The following FRMD5 variants were observed in gnomAD, a reference collection of about 807,000 sequenced individuals.
The protein encoded by FRMD5 is FERM domain containing 5.
In FRMD5, 20 loss-of-function variants were observed where a neutral mutation model predicts 69.0. The observed-to-expected ratio is 0.29, with a 90% CI of 0.20 to 0.42. FRMD5 has a LOEUF of 0.42. FRMD5 is among the 10% of genes least tolerant of loss of function. The pLI is 1.00. For synonymous variants in FRMD5, 271 were observed against 260.1 expected (o/e 1.04, Z -0.40); for missense variants, 595 against 708.6 (o/e 0.84, Z 1.82).
chr15:44,194,383 C>T (rs2078247675), intron 1 of FRMD5: 1 of 157,370 alleles, frequency 6.4e-6, no homozygotes, highest in Non-Finnish European at 1.4e-5. Context: ...GCCTAAATCT[C>T]TAAAACCCAG....
chr15:43,988,922 T>C, intron 1 of FRMD5: 1 of 532,192 alleles, frequency 1.9e-6, no homozygotes, highest in Non-Finnish European at 3.7e-6. Flanking sequence ...ACCTTCACCA[T>C]TCCAGTTTTT....
In FRMD5 at chr15:43,902,165, G is replaced by C. The variant is rs770244701; in HGVS notation, c.639+10C>G. The C allele has an allele frequency of 3.7e-6, 6 of 1,607,946 alleles. No homozygotes were observed. In the African/African-American group the frequency reaches 8.0e-5, roughly 22 times the overall value. ...GAAAGGTCATGCAGTCTCCAACCAG[G>C]GGGTCTTACCTTACATGGGTGAGGA... On this transcript the variant is annotated intron_variant, in intron 7 of 13. Transcript: ENST00000417257.
At chr15:43,977,859 T>C (rs2090487707) in intron 1 of FRMD5, among the ~76,000 whole-genome samples, 1 of 152,122 alleles carries the variant, frequency 6.6e-6, no homozygotes, top group South Asian at 2.1e-4. Flanking sequence ...AGGGAGTTTA[T>C]CTGGTCAGCA....
intron 1 of FRMD5, among the ~76,000 whole-genome samples, chr15:44,065,760 T>A (rs939611181): frequency 6.6e-6 from 1 of 152,230 alleles, no homozygotes; most frequent in African/African-American, 2.4e-5. Context: ...AAGAAATATT[T>A]TTAACTTTAA....
chr15:43,889,514 G>C (rs775566686), intron 8 of FRMD5, among the ~76,000 whole-genome samples: 1 of 152,320 alleles, frequency 6.6e-6, no homozygotes, highest in South Asian at 2.1e-4. Context: ...CACCAGCCCA[G>C]TGAATGGCTG....
At chr15:43,878,534 A>G (rs755814493) in intron 13 of FRMD5, among the ~76,000 whole-genome samples, 2 of 152,160 alleles carry the variant, frequency 1.3e-5, no homozygotes, top group African/African-American at 2.4e-5. Context: ...TTCCTCCCTG[A>G]TGTCCCCATT....
At chr15:44,114,498 G>C (rs1315338856) in intron 1 of FRMD5, among the ~76,000 whole-genome samples, 4 of 152,162 alleles carry the variant, frequency 2.6e-5, no homozygotes, top group African/African-American at 9.7e-5. Flanking sequence ...TAGAAGGCCA[G>C]CATTTCTTCT....
At chr15:43,886,051 C>G (rs1056605047) in intron 10 of FRMD5, among the ~76,000 whole-genome samples, 2 of 152,160 alleles carry the variant, frequency 1.3e-5, no homozygotes, top group African/African-American at 2.4e-5. Flanking sequence ...AATACATGCT[C>G]GGGTGGATGG....
intron 2 of FRMD5, among the ~76,000 whole-genome samples, chr15:43,923,212 C>G (rs2089527028): frequency 1.3e-5 from 2 of 152,298 alleles, no homozygotes; most frequent in South Asian, 4.1e-4. Flanking sequence ...TATTGAACAC[C>G]AACTACATTG....
chr15:43,962,044 G>T (rs977670478), intron 1 of FRMD5, among the ~76,000 whole-genome samples: 1 of 152,180 alleles, frequency 6.6e-6, no homozygotes, highest in Admixed American at 6.5e-5. Flanking sequence ...AGTGTTGGAA[G>T]TTCTGGCCAG....
chr15:44,167,872 T>A (rs2077736506), intron 1 of FRMD5, among the ~76,000 whole-genome samples: 1 of 152,258 alleles, frequency 6.6e-6, no homozygotes, highest in Non-Finnish European at 1.5e-5. Context: ...ATTACAGGCA[T>A]GAGCCACGGG....
chr15:44,065,628 G>A (rs1345038617), intron 1 of FRMD5, among the ~76,000 whole-genome samples: 1 of 152,050 alleles, frequency 6.6e-6, no homozygotes. Context: ...AGAATATATT[G>A]ATTTTGGTCA....
intron 1 of FRMD5, among the ~76,000 whole-genome samples, chr15:44,007,636 A>AT (rs1890512625): frequency 6.2e-5 from 5 of 80,774 alleles, no homozygotes; most frequent in Admixed American, 1.8e-4. Context: ...TTAATTAACT[A>AT]ATTTTTTTTT....
At chr15:43,957,932 C>CT (rs1183883311) in intron 1 of FRMD5, among the ~76,000 whole-genome samples, 1 of 152,208 alleles carries the variant, frequency 6.6e-6, no homozygotes, top group Non-Finnish European at 1.5e-5. Flanking sequence ...GGGCGAGACA[C>CT]TATGCTTATG....
chr15:43,936,956 T>C (rs1248918971), intron 1 of FRMD5, among the ~76,000 whole-genome samples: 1 of 152,090 alleles, frequency 6.6e-6, no homozygotes, highest in Non-Finnish European at 1.5e-5. Context: ...AGCTCAATGC[T>C]GGAAAAAACT....
intron 10 of FRMD5, among the ~76,000 whole-genome samples, chr15:43,887,217 C>G (rs1026677987): frequency 6.6e-6 from 1 of 152,124 alleles, no homozygotes; most frequent in Non-Finnish European, 1.5e-5. Context: ...AGGCCCCTGT[C>G]GGCTAGTGCC....
chr15:43,897,348 G>A (rs1057263811), intron 7 of FRMD5, among the ~76,000 whole-genome samples: 9 of 151,970 alleles, frequency 5.9e-5, no homozygotes, highest in East Asian at 5.8e-4. Flanking sequence ...TTAGCTGGGC[G>A]TGGTAGTGTG....
intron 1 of FRMD5, among the ~76,000 whole-genome samples, chr15:43,988,723 G>A (rs1272057055): frequency 6.6e-6 from 1 of 152,150 alleles, no homozygotes; most frequent in Non-Finnish European, 1.5e-5. Context: ...TCCCCTGTGT[G>A]GACACGGGAG....
intron 1 of FRMD5, among the ~76,000 whole-genome samples, chr15:43,955,465 A>C (rs2090099481): frequency 6.6e-6 from 1 of 152,248 alleles, no homozygotes; most frequent in East Asian, 1.9e-4. Flanking sequence ...AAAGCCAATG[A>C]AGGCCCAGTT....
Sources: gnomAD v4.1 joint callset for allele counts (sites outside exome capture counted in the v4.1 genomes callset) on GRCh38, gnomAD v4.1.1 for gene constraint, MANE v1.5 for transcripts, NCBI Gene and HGNC (gene_info 2026-07-23, HGNC 2026-07-21) for gene names.